Variants in BCKDHB observed in about 807,000 individuals in gnomAD.
The protein encoded by BCKDHB is 2-oxoisovalerate dehydrogenase subunit beta, mitochondrial.
In BCKDHB, 41 loss-of-function variants were observed where a neutral mutation model predicts 48.5. The ratio of observed to expected loss-of-function variants is 0.85; its 90% CI spans 0.66 to 1.10. The LOEUF (loss-of-function observed/expected upper bound fraction) is 1.10, where lower values mean the gene tolerates loss of function less well. BCKDHB is among the 50% of genes least tolerant of loss of function. The pLI is 0.00. For synonymous variants in BCKDHB, 201 were observed against 174.8 expected (o/e 1.15, Z -1.18); for missense variants, 496 against 494.2 (o/e 1.00, Z -0.03).
chr6:80,210,360 T>C (rs1384473249), intron 8 of BCKDHB, among the ~76,000 whole-genome samples: 1 of 152,064 alleles, frequency 6.6e-6, no homozygotes, highest in Non-Finnish European at 1.5e-5. Context: ...AATGATTTAT[T>C]TTATATAGAG....
intron 9 of BCKDHB, among the ~76,000 whole-genome samples, chr6:80,287,770 G>A (rs553097372): frequency 6.6e-6 from 1 of 152,286 alleles, no homozygotes; most frequent in East Asian, 1.9e-4. Flanking sequence ...CTGGACGCAT[G>A]TGGGCACTTA....
the BCKDHB span, among the ~76,000 whole-genome samples, chr6:80,399,027 C>T: frequency 6.6e-6 from 1 of 151,952 alleles, no homozygotes; most frequent in South Asian, 2.1e-4. Flanking sequence ...TTCAATAGGG[C>T]AGAAAAGGCT....
At chr6:80,167,541 C>CTGTTTCTGTTTCCTCTACCTGTTCT in intron 3 of BCKDHB, 137 bp from the exon 4 acceptor site, 1 of 950,674 alleles carries the variant, frequency 1.1e-6, no homozygotes, top group Non-Finnish European at 1.6e-6. Context: ...CGTGGCTAGC[C>CTGTTTCTGTTTCCTCTACCTGTTCT]ATACTCTTTA....
chr6:80,446,440 G>T, the BCKDHB span, among the ~76,000 whole-genome samples: 1 of 152,166 alleles, frequency 6.6e-6, no homozygotes, highest in Non-Finnish European at 1.5e-5. Flanking sequence ...GCTGCATGTT[G>T]GCACAAAGAC....
At chr6:80,365,078 G>A in the BCKDHB span, among the ~76,000 whole-genome samples, 1 of 152,110 alleles carries the variant, frequency 6.6e-6, no homozygotes, top group Admixed American at 6.6e-5. Flanking sequence ...AGGGCAAAAA[G>A]CAGAACTACT....
At chr6:80,316,654 ACTTCTGTTTT>A (rs1208795137) in intron 9 of BCKDHB, among the ~76,000 whole-genome samples, 13 of 152,150 alleles carry the variant, frequency 8.5e-5, no homozygotes, top group Non-Finnish European at 1.6e-4. Context: ...TTGTCTTGTG[ACTTCTGTTTT>A]CTTTGCCTAG....
chr6:80,240,868 C>T (rs932989205), intron 8 of BCKDHB, among the ~76,000 whole-genome samples: 1 of 152,170 alleles, frequency 6.6e-6, no homozygotes, highest in Non-Finnish European at 1.5e-5. Flanking sequence ...TCCTTTCTCC[C>T]CGTCACTTTC....
At chr6:80,350,315 G>GA (rs1041950493), downstream of BCKDHB, among the ~76,000 whole-genome samples, 1 of 150,472 alleles carries the variant, frequency 6.6e-6, no homozygotes, top group Non-Finnish European at 1.5e-5. Context: ...AAAAGTGCAA[G>GA]AAAAACGAAA....
At chr6:80,188,618 C>T (rs748593149) in intron 6 of BCKDHB, among the ~76,000 whole-genome samples, 40 of 151,848 alleles carry the variant, frequency 2.6e-4, no homozygotes, top group Admixed American at 2.2e-3. Flanking sequence ...CCAGCCTGGG[C>T]GATAGGGTGA....
At chr6:80,171,208 TCAG>T in intron 5 of BCKDHB, 71 bp from the exon 6 acceptor site, 1 of 801,844 alleles carries the variant, frequency 1.2e-6, no homozygotes, top group Non-Finnish European at 2.1e-6. Context: ...TATTTAAATA[TCAG>T]CCCTTCTTAG....
intron 9 of BCKDHB, among the ~76,000 whole-genome samples, chr6:80,340,875 T>C (rs1279040991): frequency 6.6e-6 from 1 of 152,210 alleles, no homozygotes; most frequent in East Asian, 1.9e-4. Context: ...TGTTCTGTTT[T>C]GGTGGTAGTG....
the BCKDHB span, among the ~76,000 whole-genome samples, chr6:80,377,538 G>T: frequency 6.6e-6 from 1 of 152,072 alleles, no homozygotes; most frequent in East Asian, 1.9e-4. Flanking sequence ...TATGAAGTAA[G>T]GGTCTCATTT....
At chr6:80,282,461 A>G (rs1241305140) in intron 9 of BCKDHB, among the ~76,000 whole-genome samples, 2 of 152,132 alleles carry the variant, frequency 1.3e-5, no homozygotes, top group Non-Finnish European at 2.9e-5. Flanking sequence ...TATTCATCTC[A>G]GTGTTGTTCG....
intron 3 of BCKDHB, among the ~76,000 whole-genome samples, chr6:80,155,363 T>C (rs973432721): frequency 6.6e-6 from 1 of 152,142 alleles, no homozygotes; most frequent in Admixed American, 6.5e-5. Flanking sequence ...ATTTTAGCAT[T>C]TGTGACTTGA....
intron 9 of BCKDHB, among the ~76,000 whole-genome samples, chr6:80,341,018 G>A (rs567739653): frequency 3.5e-4 from 53 of 152,304 alleles, no homozygotes; most frequent in African/African-American, 1.1e-3. Flanking sequence ...GTTCATGGAA[G>A]AAATAACTTA....
At chr6:80,393,363 T>C in the BCKDHB span, among the ~76,000 whole-genome samples, 1 of 152,108 alleles carries the variant, frequency 6.6e-6, no homozygotes, top group Non-Finnish European at 1.5e-5. Flanking sequence ...TGTTAGGAAG[T>C]GGGGCCTTTA....
At chr6:80,303,404 T>A (rs1263650977) in intron 9 of BCKDHB, among the ~76,000 whole-genome samples, 2 of 151,982 alleles carry the variant, frequency 1.3e-5, no homozygotes, top group Non-Finnish European at 2.9e-5. Flanking sequence ...AAAAGAACCT[T>A]AGAGAACATC....
intron 1 of BCKDHB, among the ~76,000 whole-genome samples, chr6:80,109,736 T>A (rs903874050): frequency 2.0e-5 from 3 of 152,250 alleles, no homozygotes; most frequent in African/African-American, 7.2e-5. Context: ...ATTTTTCCTA[T>A]CAATACTATC....
At chr6:80,224,972 C>T (rs1302594003) in intron 8 of BCKDHB, among the ~76,000 whole-genome samples, 1 of 152,230 alleles carries the variant, frequency 6.6e-6, no homozygotes, top group East Asian at 1.9e-4. Context: ...CTAGTTGTTA[C>T]AGTTTTCCAT....
Sources: allele counts gnomAD v4.1 joint callset (sites outside exome capture counted in the v4.1 genomes callset), GRCh38; gene constraint gnomAD v4.1.1; transcripts MANE v1.5; gene names NCBI Gene and HGNC (gene_info 2026-07-23, HGNC 2026-07-21).